The following BID variants were observed in gnomAD, a reference collection of about 807,000 sequenced individuals.
BID encodes BH3 interacting domain death agonist, also known as BH3-interacting domain death agonist.
A neutral mutation model predicts 17.4 loss-of-function variants in BID; 19 were observed. The ratio of observed to expected loss-of-function variants is 1.09; its 90% CI spans 0.76 to 1.60. The LOEUF is 1.60. BID is among the 40% of genes most tolerant of loss of function. The pLI, the probability that BID is intolerant of heterozygous loss-of-function variation, is 0.00. For synonymous variants in BID, 108 were observed against 102.8 expected, an observed-to-expected ratio of 1.05 and a Z score of -0.31; for missense variants, 226 against 256.0, an observed-to-expected ratio of 0.88 and a Z score of 0.80.
intron 1 of BID, among the ~76,000 whole-genome samples, chr22:17,767,350 A>C (rs529500518): frequency 6.6e-5 from 10 of 152,218 alleles, no homozygotes; most frequent in Non-Finnish European, 1.3e-4. Context: ...GAGTTCCTCC[A>C]ATTCAAGACA....
chr22:17,765,171 C>T lies in BID; in HGVS notation c.-59+9210G>A, dbSNP rs564080314. 2.0e-5 allele frequency among the ~76,000 whole-genome samples: 3 copies of T among 152,236 alleles called. No homozygotes were observed. The South Asian group carries it at 6.2e-4, about 32-fold the overall frequency. On this transcript the variant is annotated intron_variant, in intron 1 of 5. Transcript: ENST00000622694. ...TCCTCCACAGAGGACCCAAGACATC[C>T]TCCACAGAGGACCCAAGACATCCTC... is the stretch of plus-strand genomic sequence containing the variant.
At chr22:17,757,076 A>G (rs1183412272) in intron 1 of BID, among the ~76,000 whole-genome samples, 4 of 152,076 alleles carry the variant, frequency 2.6e-5, no homozygotes, top group African/African-American at 4.8e-5. Flanking sequence ...CTTGAACACC[A>G]TCAACAATCT....
At chr22:17,766,270 ATTTC>A (rs1336755790) in intron 1 of BID, among the ~76,000 whole-genome samples, 15 of 148,990 alleles carry the variant, frequency 1.0e-4, no homozygotes, top group East Asian at 5.9e-4. Context: ...TGTAAGAAGA[ATTTC>A]TTTCTTTCTT....
chr22:17,771,326 C>G (rs2061718587), intron 1 of BID, among the ~76,000 whole-genome samples: 1 of 152,176 alleles, frequency 6.6e-6, no homozygotes, highest in Admixed American at 6.5e-5. Context: ...GTCTTGATCT[C>G]CTGACCTCAT....
At chr22:17,739,931 C>T in intron 3 of BID, 2 of 795,166 alleles carry the variant, frequency 2.5e-6, no homozygotes, top group South Asian at 3.3e-5. Context: ...GCCCCCATTC[C>T]TCGCAGTCCC....
chr22:17,738,682 C>T (rs971037440), intron 4 of BID, among the ~76,000 whole-genome samples: 1 of 152,082 alleles, frequency 6.6e-6, no homozygotes, highest in Admixed American at 6.6e-5. Context: ...CATGGGAGTG[C>T]GCCAGCCACT....
At chr22:17,760,725 C>T (rs1388597975) in intron 1 of BID, among the ~76,000 whole-genome samples, 1 of 152,100 alleles carries the variant, frequency 6.6e-6, no homozygotes, top group East Asian at 1.9e-4. Context: ...GAGGTAATGT[C>T]CATGCAGAAG....
At chr22:17,742,114 C>T (rs2061463671) in intron 3 of BID, among the ~76,000 whole-genome samples, 1 of 152,224 alleles carries the variant, frequency 6.6e-6, no homozygotes. Flanking sequence ...ACCAAAGAAA[C>T]CCCGGCAGCC....
intron 1 of BID, among the ~76,000 whole-genome samples, chr22:17,750,594 C>T (rs1295909274): frequency 6.6e-6 from 1 of 152,138 alleles, no homozygotes; most frequent in African/African-American, 2.4e-5. Flanking sequence ...TTTGGGAGGC[C>T]GAGGCGGGTG....
In BID at chr22:17,734,546, T is replaced by C. The variant is rs1446830656; in HGVS notation, c.*1034A>G. 1 of 152,202 alleles carries C rather than the reference T, an allele frequency of 6.6e-6. No individual in the cohort carries two copies. Among genetic ancestry groups the C allele is most frequent in the Non-Finnish European group, 1.5e-5 (1 of 68,038 alleles). 9.4% of individuals were successfully genotyped at this position (152,202 alleles called of 1,614,324 possible). On this transcript the variant is annotated 3_prime_UTR_variant, in exon 6 of 6. Coordinates refer to ENST00000622694, the MANE Select transcript of BID (RefSeq NM_001196.4). Reference sequence around the variant, plus strand: ...TTCTAAAGCTAAGCTTTTCCTTATTTATTTTGGTACTACCTAAGTGACTTG... The same window carrying C: ...TTCTAAAGCTAAGCTTTTCCTTATTCATTTTGGTACTACCTAAGTGACTTG...
chr22:17,746,671 T>C (rs1209410125), intron 2 of BID, among the ~76,000 whole-genome samples: 1 of 152,214 alleles, frequency 6.6e-6, no homozygotes, highest in Admixed American at 6.5e-5. Flanking sequence ...TGAGGTCATA[T>C]TGGATTAGGG....
intron 4 of BID, 64 bp from the exon 5 acceptor site, chr22:17,738,293 C>A: frequency 1.4e-6 from 2 of 1,473,588 alleles, no homozygotes; most frequent in South Asian, 2.3e-5. Context: ...GAAAGACAGT[C>A]CCCAGTATGA....
intron 1 of BID, among the ~76,000 whole-genome samples, chr22:17,756,458 TC>T (rs1185639081): frequency 2.9e-5 from 3 of 102,876 alleles, no homozygotes; most frequent in Admixed American, 1.9e-4. Flanking sequence ...TTTCTTTCTT[TC>T]TTTCTTTCTT....
intron 3 of BID, chr22:17,740,233 G>A: frequency 1.3e-6 from 2 of 1,500,260 alleles, no homozygotes; most frequent in Non-Finnish European, 1.8e-6. Context: ...TTTGTCCACT[G>A]ACAAATACCC....
chr22:17,748,232 G>A (rs1296686), intron 2 of BID, among the ~76,000 whole-genome samples: 18,246 of 129,352 alleles, frequency 0.14, 1,590 homozygotes, highest in Middle Eastern at 0.25. Flanking sequence ...TAATAAGGCC[G>A]GGCACGGTGG....
chr22:17,764,563 A>G (rs2061664878), intron 1 of BID, among the ~76,000 whole-genome samples: 1 of 152,266 alleles, frequency 6.6e-6, no homozygotes, highest in Non-Finnish European at 1.5e-5. Flanking sequence ...TTAAGGATCA[A>G]TGCCCAATTC....
At chr22:17,750,864 C>G (rs1435307771) in intron 1 of BID, among the ~76,000 whole-genome samples, 1 of 151,796 alleles carries the variant, frequency 6.6e-6, no homozygotes, top group Non-Finnish European at 1.5e-5. Context: ...TGGTGAAACC[C>G]CATCTCTACA....
At chr22:17,736,995 C>T (rs967726491) in intron 5 of BID, among the ~76,000 whole-genome samples, 1 of 151,888 alleles carries the variant, frequency 6.6e-6, no homozygotes, top group Non-Finnish European at 1.5e-5. Context: ...TTAGTAGAAA[C>T]GGGGTTTCAC....
chr22:17,742,639 G>C (rs974589815), intron 3 of BID, among the ~76,000 whole-genome samples: 4 of 152,142 alleles, frequency 2.6e-5, no homozygotes, highest in Admixed American at 6.5e-5. Context: ...GCCTGGACCA[G>C]GGTCCGGGGA....
Sources: gnomAD v4.1 joint callset for allele counts (sites outside exome capture counted in the v4.1 genomes callset) on GRCh38, gnomAD v4.1.1 for gene constraint, MANE v1.5 for transcripts, NCBI Gene and HGNC (gene_info 2026-07-23, HGNC 2026-07-21) for gene names.